Variants in SLCO4A1 observed in about 807,000 individuals in gnomAD.
SLCO4A1 encodes the protein colon organic anion transporter.
A neutral mutation model predicts 64.6 loss-of-function variants in SLCO4A1; 51 were observed. The observed-to-expected ratio is 0.79, with a 90% CI of 0.63 to 1.00. SLCO4A1 has a LOEUF of 1.00. Ranked by LOEUF, SLCO4A1 falls within the 50% of genes least tolerant of loss-of-function variation. SLCO4A1 has a pLI of 0.00. For missense variants in SLCO4A1, 919 were observed against 980.5 expected (o/e 0.94, Z 0.84); for synonymous variants, 471 against 444.9 (o/e 1.06, Z -0.74).
At position 62,652,457 on chromosome 20, in the gene SLCO4A1, G is replaced by A. The variant is rs543618738; in HGVS notation, c.-96-3902G>A. On this transcript the variant is annotated intron_variant, in intron 1 of 11. Coordinates refer to ENST00000217159, the MANE Select transcript of SLCO4A1 (RefSeq NM_016354.4). Reference sequence around the variant, plus strand: ...GCCCTTGCGCCTCCTCGTCAGTCCCGCCCCGGGGCTCTTGCTCCTCCGGCT... The same window carrying A: ...GCCCTTGCGCCTCCTCGTCAGTCCCACCCCGGGGCTCTTGCTCCTCCGGCT... Among the ~76,000 whole-genome samples, 527 of 152,228 alleles carry A rather than the reference G, an allele frequency of 3.5e-3. 5 individuals are homozygous for A. The highest frequency in any genetic ancestry group is 7.1e-3 in the South Asian group (34 of 4,818).
intron 11 of SLCO4A1, among the ~76,000 whole-genome samples, chr20:62,670,777 C>A (rs994129520): frequency 6.6e-6 from 1 of 152,228 alleles, no homozygotes; most frequent in Non-Finnish European, 1.5e-5. Flanking sequence ...GCAGCGCATG[C>A]GTCCATGTTA....
intron 5 of SLCO4A1, among the ~76,000 whole-genome samples, chr20:62,664,687 C>G (rs1360165544): frequency 6.6e-6 from 1 of 152,208 alleles, no homozygotes; most frequent in African/African-American, 2.4e-5. Flanking sequence ...GTGGGTGTCC[C>G]CCACCTGCCT....
Position 62,672,009 on chromosome 20 carries a change from T to C in SLCO4A1, c.*116T>C, listed in dbSNP as rs750755351. On this transcript the variant is annotated 3_prime_UTR_variant, in exon 12 of 12. Transcript: ENST00000217159. ...TCTATTTGACCTGCAACCTTCTACT[T>C]AACCTGTGGTTTAAAGTCGGCTGTG... 6 of 1,585,882 alleles carry C rather than the reference T, an allele frequency of 3.8e-6. No individual in the cohort carries two copies. The Admixed American group carries it at 1.0e-4, about 27-fold the overall frequency.
Position 62,669,042 on chromosome 20 carries a change from G to A in SLCO4A1, c.1989G>A (p.Met663Ile), listed in dbSNP as rs762273150. ...GCTTGGTGTACCAGAATTCGGCCATGAGCCGCTACATACTCATCATGGGGC... is the reference window on the plus strand; with the variant it reads ...GCTTGGTGTACCAGAATTCGGCCATAAGCCGCTACATACTCATCATGGGGC... ...GSCLVYQNSA[M>I]SRYILIMGLL... Residue 663 changes from methionine (M) to isoleucine (I), a missense_variant, in exon 11 of 12, where the codon ATG becomes ATA. Physicochemically the swap from Met to Ile is conservative, Grantham distance 10. Coordinates refer to ENST00000217159, the MANE Select transcript of SLCO4A1 (RefSeq NM_016354.4). The A allele has an allele frequency of 6.2e-7, 1 of 1,611,312 alleles. No individual in the cohort carries two copies. Among genetic ancestry groups the A allele is most frequent in the African/African-American group, 1.3e-5 (1 of 74,930 alleles).
Position 62,661,041 on chromosome 20 carries a change from C to CCCCCCCCCCCCCCCCCACAA in SLCO4A1, c.1010-23_1010-22insCCCCCCCCCCCCCCCCACAA. The CCCCCCCCCCCCCCCCCACAA allele has an allele frequency of 2.1e-6, 3 of 1,424,140 alleles. No homozygotes were observed. The highest frequency in any genetic ancestry group is 3.0e-6 in the Non-Finnish European group (3 of 1,010,138). The allele number at this position is 1,424,140 out of a possible 1,614,324, so 88.2% of individuals were successfully genotyped here. On this transcript the variant is annotated intron_variant, in intron 4 of 11. Coordinates refer to ENST00000217159, the MANE Select transcript of SLCO4A1 (RefSeq NM_016354.4). This position sits in a 1 kb window ranked among gnomAD's most constrained non-coding sequence, Gnocchi z 5.2. Reference sequence around the variant, plus strand: ...TCCGGGAGCCCCCAGCCCCCAGCCCCAGCTCACTCTGTGCCCTTCCAGGCT... The same window carrying CCCCCCCCCCCCCCCCCACAA: ...TCCGGGAGCCCCCAGCCCCCAGCCCCCCCCCCCCCCCCCCCCACAAAGCTCACTCTGTGCCCTTCCAGGCT...
Position 62,666,463 on chromosome 20 carries a change from GTCA to G in SLCO4A1, c.1364_1366del (p.Ile455del). The G allele has an allele frequency of 6.2e-7, 1 of 1,613,520 alleles. No individual in the cohort carries two copies. The highest frequency in any genetic ancestry group is 8.5e-7 in the Non-Finnish European group (1 of 1,179,990). ...CAAGCTCAGGCTCCGGGGCTCCGCG[GTCA>G]TCAAGTTCTGCCTGTTCTGCACCGT... On this transcript the variant is annotated inframe_deletion, in exon 7 of 12. Transcript: ENST00000217159.
At chr20:62,642,819 C>T (rs967950800) in intron 1 of SLCO4A1, among the ~76,000 whole-genome samples, 9 of 152,198 alleles carry the variant, frequency 5.9e-5, no homozygotes, top group African/African-American at 2.2e-4. Context: ...AGGACCGAGG[C>T]GAAGGGGCCC....
At chr20:62,647,384 C>T (rs1399865675) in intron 1 of SLCO4A1, among the ~76,000 whole-genome samples, 2 of 152,138 alleles carry the variant, frequency 1.3e-5, no homozygotes, top group Non-Finnish European at 2.9e-5. Flanking sequence ...AGGAGGGACT[C>T]GGCTTTGCCA....
chr20:62,667,916 T>C lies in SLCO4A1; in HGVS notation c.1638+6T>C. On this transcript the variant is annotated splice_donor_region_variant and intron_variant, in intron 8 of 11. Transcript: ENST00000217159. Reference sequence around the variant, plus strand: ...CGAATGTGGACGGCCAGAAGGTGAGTGGAGCCGCTGCCTACCGCCCCTGTC... The same window carrying C: ...CGAATGTGGACGGCCAGAAGGTGAGCGGAGCCGCTGCCTACCGCCCCTGTC... The C allele has an allele frequency of 6.2e-6, 10 of 1,613,784 alleles. No homozygotes were observed. The highest frequency in any genetic ancestry group is 8.5e-6 in the Non-Finnish European group (10 of 1,179,992).
Position 62,645,556 on chromosome 20 carries a change from C to T in SLCO4A1, c.-97+3003C>T, listed in dbSNP as rs571291456. 6.6e-6 allele frequency among the ~76,000 whole-genome samples: 1 copy of T among 151,232 alleles called. No individual in the cohort carries two copies. The highest frequency in any genetic ancestry group is 1.5e-5 in the Non-Finnish European group (1 of 67,668). On this transcript the variant is annotated intron_variant, in intron 1 of 11. Coordinates refer to ENST00000217159, the MANE Select transcript of SLCO4A1 (RefSeq NM_016354.4). This position sits in a 1 kb window ranked among gnomAD's most constrained non-coding sequence, Gnocchi z 4.2. Reference sequence around the variant, plus strand: ...CTCAGTCCTCAGACACTGGGGTCTCCGGCTGTCTCCAACCCTTCAGTTCTT... The same window carrying T: ...CTCAGTCCTCAGACACTGGGGTCTCTGGCTGTCTCCAACCCTTCAGTTCTT...
chr20:62,686,857 TAGGGCACCCCCAAACAGGAGCAATGGGA>T (rs1569159094), downstream of SLCO4A1, among the ~76,000 whole-genome samples: 8 of 143,022 alleles, frequency 5.6e-5, no homozygotes, highest in East Asian at 1.3e-3. Flanking sequence ...GCACGATGGG[TAGGGCACCCCCAAACAGGAGCAATGGGA>T]AGGGCACCCC....
At chr20:62,683,303 G>C (rs1013121787) in intron 2 of SLCO4A1, among the ~76,000 whole-genome samples, 34 of 152,204 alleles carry the variant, frequency 2.2e-4, no homozygotes, top group African/African-American at 8.2e-4. Context: ...CCGTGACGGA[G>C]CTCAGACCCA....
At position 62,644,745 on chromosome 20, in the gene SLCO4A1, A is replaced by G. The variant is rs1981011007; in HGVS notation, c.-97+2192A>G. 6.6e-6 allele frequency among the ~76,000 whole-genome samples: 1 copy of G among 152,204 alleles called. No individual in the cohort carries two copies. Among genetic ancestry groups the G allele is most frequent in the African/African-American group, 2.4e-5 (1 of 41,460 alleles). ...GTGTTAATCCATTTCTGGGGTGGGT[A>G]CTGCTGAGCCAATATACATTCCTGG... On this transcript the variant is annotated intron_variant, in intron 1 of 11. Transcript: ENST00000217159. The surrounding 1 kb of genome is among the most constrained non-coding windows in gnomAD (Gnocchi z 5.4).
downstream of SLCO4A1, among the ~76,000 whole-genome samples, chr20:62,675,105 CAG>C (rs990247268): frequency 3.9e-5 from 6 of 152,154 alleles, no homozygotes; most frequent in African/African-American, 9.7e-5. Context: ...GCAGAGAGGA[CAG>C]AGAGAGGGAA....
chr20:62,680,190 A>G (rs1456881263), intron 2 of SLCO4A1, among the ~76,000 whole-genome samples: 1 of 152,196 alleles, frequency 6.6e-6, no homozygotes, highest in Non-Finnish European at 1.5e-5. Flanking sequence ...CTGCTGGTGT[A>G]TAGAGATGAC....
intron 2 of SLCO4A1, among the ~76,000 whole-genome samples, chr20:62,658,260 G>A (rs6011453): frequency 0.011 from 1,657 of 152,344 alleles, 30 homozygotes; most frequent in African/African-American, 0.037. Flanking sequence ...CCAGCGAGGG[G>A]ACGTCCCACC....
chr20:62,661,171 C>A lies in SLCO4A1; in HGVS notation c.1117C>A (p.Pro373Thr), dbSNP rs1984737215. 2 of 1,608,614 alleles carry A rather than the reference C, an allele frequency of 1.2e-6. No homozygotes were observed. The highest frequency in any genetic ancestry group is 4.5e-5 in the East Asian group (2 of 44,848). Residue 373 changes from proline to threonine, a missense_variant, in exon 5 of 12, where the codon CCT (proline) becomes ACT (threonine). By Grantham distance (38) the Pro-to-Thr change is conservative (BLOSUM62 -1). Coordinates refer to ENST00000217159, the MANE Select transcript of SLCO4A1 (RefSeq NM_016354.4). The surrounding 1 kb of genome is among the most constrained non-coding windows in gnomAD (Gnocchi z 5.2). ...PDFGKTIRDL[P>T]LSIWLLLKNP... ...CTTTGGGAAAACCATCAGAGACCTGCCTCTGTAAGGACCGGAGTCGGGAGG... is the reference window on the plus strand; with the variant it reads ...CTTTGGGAAAACCATCAGAGACCTGACTCTGTAAGGACCGGAGTCGGGAGG...
chr20:62,684,380 G>C (rs1020169629), intron 2 of SLCO4A1, among the ~76,000 whole-genome samples: 2 of 152,232 alleles, frequency 1.3e-5, no homozygotes, highest in Admixed American at 6.5e-5. Flanking sequence ...TTGCCTGACA[G>C]GTGAGGAAAC....
intron 6 of SLCO4A1, chr20:62,665,467 A>C (rs1985971977): frequency 5.6e-6 from 1 of 178,906 alleles, no homozygotes; most frequent in Non-Finnish European, 1.2e-5. Context: ...TCGGTGCCAG[A>C]GGCAGGCTGG....
Sources: allele counts gnomAD v4.1 joint callset (sites outside exome capture counted in the v4.1 genomes callset), GRCh38; gene constraint gnomAD v4.1.1; non-coding constraint Gnocchi (gnomAD v3.1); transcripts MANE v1.5; gene names NCBI Gene and HGNC (gene_info 2026-07-23, HGNC 2026-07-21).